Variants in MYLK observed in about 807,000 individuals in gnomAD.
The protein encoded by MYLK is myosin light chain kinase, smooth muscle.
A neutral mutation model predicts 203.4 loss-of-function variants in MYLK; 106 were observed. The ratio of observed to expected loss-of-function variants is 0.52; its 90% CI spans 0.45 to 0.61. The LOEUF (loss-of-function observed/expected upper bound fraction) is 0.61, where lower values mean the gene tolerates loss of function less well. MYLK is among the 20% of genes least tolerant of loss of function. MYLK has a pLI of 0.00. For missense variants in MYLK, 2,072 were observed against 2,442.3 expected, an observed-to-expected ratio of 0.85 and a Z score of 3.20; for synonymous variants, 867 against 959.5, an observed-to-expected ratio of 0.90 and a Z score of 1.78.
At chr3:123,668,586 G>A (rs2059814268) in intron 20 of MYLK, among the ~76,000 whole-genome samples, 1 of 152,120 alleles carries the variant, frequency 6.6e-6, no homozygotes, top group Non-Finnish European at 1.5e-5. Flanking sequence ...CATGCTGGGA[G>A]TCCATGATGA....
At chr3:123,772,123 T>C (rs2063903799) in intron 4 of MYLK, among the ~76,000 whole-genome samples, 1 of 152,166 alleles carries the variant, frequency 6.6e-6, no homozygotes, top group Admixed American at 6.5e-5. Flanking sequence ...TCCTATATAA[T>C]TAAAGTTTCA....
At chr3:123,739,879 C>A in intron 6 of MYLK, 74 bp downstream of exon 6, 1 of 1,534,078 alleles carries the variant, frequency 6.5e-7, no homozygotes, top group South Asian at 1.1e-5. Flanking sequence ...AAGACTTACT[C>A]CCCAGACCTA....
At chr3:123,652,690 A>T (rs185756615) in intron 24 of MYLK, among the ~76,000 whole-genome samples, 5 of 152,214 alleles carry the variant, frequency 3.3e-5, no homozygotes, top group Non-Finnish European at 7.3e-5. Flanking sequence ...TTTGCTAACA[A>T]TTATACAGAC....
intron 4 of MYLK, among the ~76,000 whole-genome samples, chr3:123,773,909 T>C (rs539081386): frequency 6.6e-6 from 1 of 152,324 alleles, no homozygotes; most frequent in East Asian, 1.9e-4. Flanking sequence ...TACTGACTGG[T>C]GGCCTGGCAA....
chr3:123,618,866 A>C, intron 32 of MYLK, 96 bp from the exon 33 acceptor site: 1 of 1,529,988 alleles, frequency 6.5e-7, no homozygotes, highest in South Asian at 1.1e-5. Context: ...AGTTGCTATG[A>C]TTTAGCAAAG....
intron 7 of MYLK, among the ~76,000 whole-genome samples, chr3:123,738,196 C>A (rs1307565086): frequency 6.6e-6 from 1 of 152,190 alleles, no homozygotes; most frequent in Non-Finnish European, 1.5e-5. Context: ...AATGACTTAT[C>A]CAGCTTCACA....
Position 123,737,655 on chromosome 3 carries a change from G to A in MYLK, c.589-112C>T, listed in dbSNP as rs947774016. On this transcript the variant is annotated intron_variant, in intron 7 of 33. Coordinates refer to ENST00000360304, the MANE Select transcript of MYLK (RefSeq NM_053025.4). Reference sequence around the variant, plus strand: ...TAGACTCCAGGGCCTGGGCAGCAGCGTCCTCTGCTGTGGGCCCTGTCAATG... The same window carrying A: ...TAGACTCCAGGGCCTGGGCAGCAGCATCCTCTGCTGTGGGCCCTGTCAATG... The A allele has an allele frequency of 4.9e-5, 68 of 1,388,670 alleles. No homozygotes were observed. The African/African-American group carries it at 7.1e-4, about 14-fold the overall frequency. The allele number at this position is 1,388,670 out of a possible 1,614,324, so 86.0% of individuals were successfully genotyped here. A position where few individuals can be genotyped will look rare whatever the true frequency, so the allele number is the denominator to read the frequency against.
chr3:123,680,389 C>T (rs896884507), intron 20 of MYLK, among the ~76,000 whole-genome samples: 2 of 152,162 alleles, frequency 1.3e-5, no homozygotes, highest in African/African-American at 2.4e-5. Flanking sequence ...TGCCATAGCC[C>T]CAATTCACAG....
At chr3:123,704,961 T>C (rs2061403634) in intron 16 of MYLK, among the ~76,000 whole-genome samples, 1 of 152,154 alleles carries the variant, frequency 6.6e-6, no homozygotes, top group South Asian at 2.1e-4. Context: ...TCCTGGCAAG[T>C]GTCAAGTGTT....
chr3:123,682,473 T>C (rs2060302812), intron 19 of MYLK, among the ~76,000 whole-genome samples, 163 bp from the exon 20 acceptor site: 1 of 152,158 alleles, frequency 6.6e-6, no homozygotes, highest in African/African-American at 2.4e-5. Context: ...CCTATTTCAC[T>C]CTCCATGAGA....
intron 29 of MYLK, among the ~76,000 whole-genome samples, chr3:123,636,355 G>T (rs2058644132): frequency 6.6e-6 from 1 of 152,212 alleles, no homozygotes; most frequent in Non-Finnish European, 1.5e-5. Flanking sequence ...ATCCACTCTT[G>T]GGTTTGTTGT....
At chr3:123,723,932 T>C (rs1162374787) in intron 12 of MYLK, among the ~76,000 whole-genome samples, 1 of 1,020 alleles carries the variant, frequency 9.8e-4, no homozygotes, top group African/African-American at 1.3e-3. Flanking sequence ...TAAAGGTAAT[T>C]AATATATCTC....
chr3:123,629,551 G>T lies in MYLK; in HGVS notation c.5037C>A (p.Asp1679Glu). ...TLANVTSATW[D>E]FDDEAFDEIS... The stretch of plus-strand genomic sequence containing the variant: ...TCTCATCGAATGCCTCGTCGTCGAA[G>T]TCCCAGGTGGCTGAGGTAACGTTGG... Residue 1679 changes from aspartate to glutamate, a missense_variant, in exon 30 of 34, where the codon GAC becomes GAA. By Grantham distance (45) the Asp-to-Glu change is conservative. Transcript: ENST00000360304. The surrounding 1 kb of genome is among the most constrained non-coding windows in gnomAD (Gnocchi z 4.4). The T allele has an allele frequency of 1.2e-6, 2 of 1,614,172 alleles. No individual in the cohort carries two copies. The highest frequency in any genetic ancestry group is 1.7e-6 in the Non-Finnish European group (2 of 1,180,032).
intron 3 of MYLK, among the ~76,000 whole-genome samples, chr3:123,794,210 T>TCTGTATTAATAATATAAG (rs2064901540): frequency 8.5e-5 from 13 of 152,346 alleles, no homozygotes; most frequent in South Asian, 8.3e-4. Flanking sequence ...CTGTATTTAA[T>TCTGTATTAATAATATAAG]AGTCACTAAC....
intron 2 of MYLK, among the ~76,000 whole-genome samples, chr3:123,848,511 T>TAA (rs113551229): frequency 6.6e-6 from 1 of 151,212 alleles, no homozygotes; most frequent in African/African-American, 2.4e-5. Flanking sequence ...CATGCTAAAA[T>TAA]AAAAAAAAAC....
chr3:123,775,025 G>C (rs1047370164), intron 4 of MYLK, among the ~76,000 whole-genome samples: 4 of 151,818 alleles, frequency 2.6e-5, no homozygotes, highest in African/African-American at 9.7e-5. Context: ...ATTCAACATG[G>C]TAAATTTTTT....
chr3:123,660,578 A>G (rs753355657), intron 23 of MYLK, among the ~76,000 whole-genome samples: 2 of 152,180 alleles, frequency 1.3e-5, no homozygotes, highest in Non-Finnish European at 2.9e-5. Context: ...TAAGTCTCCA[A>G]AATAGCTAAA....
intron 27 of MYLK, among the ~76,000 whole-genome samples, chr3:123,641,080 G>A (rs2058817006): frequency 6.6e-6 from 1 of 152,220 alleles, no homozygotes; most frequent in African/African-American, 2.4e-5. Context: ...TATAGTATTG[G>A]TTTACTCCCT....
intron 31 of MYLK, chr3:123,620,583 A>C (rs1257835443): frequency 1.5e-6 from 2 of 1,307,472 alleles, no homozygotes; most frequent in African/African-American, 3.0e-5. Context: ...TAATGTGACT[A>C]AACAAGGTCA....
Sources: allele counts gnomAD v4.1 joint callset (sites outside exome capture counted in the v4.1 genomes callset), GRCh38; gene constraint gnomAD v4.1.1; non-coding constraint Gnocchi (gnomAD v3.1); transcripts MANE v1.5; gene names NCBI Gene and HGNC (gene_info 2026-07-23, HGNC 2026-07-21).